CSMD1: variants seen among roughly 807,000 people sequenced by gnomAD.
The protein encoded by CSMD1 is CUB and Sushi multiple domains 1.
Under a neutral mutation model 417.5 loss-of-function variants are expected in CSMD1, and 213 were observed. The observed-to-expected ratio is 0.51, with a 90% CI of 0.46 to 0.57. The LOEUF is 0.57. Among genes scored for constraint, CSMD1 ranks in the 20% least tolerant of loss-of-function variants. The probability of loss-of-function intolerance (pLI) is 0.00; values close to 1 mark genes in which losing one functional copy is unlikely to be tolerated. For missense variants in CSMD1, 6,923 were observed against 4,529.7 expected (o/e 1.53, Z -15.17); for synonymous variants, 2,862 against 1,736.8 (o/e 1.65, Z -16.11).
intron 12 of CSMD1, among the ~76,000 whole-genome samples, chr8:3,428,864 G>C (rs1472206948): frequency 1.3e-5 from 2 of 152,186 alleles, no homozygotes; most frequent in Non-Finnish European, 2.9e-5. Flanking sequence ...TCATAAAAAA[G>C]AAAGAAATCC....
chr8:4,915,491 T>C (rs761919879), intron 1 of CSMD1, among the ~76,000 whole-genome samples: 1 of 152,212 alleles, frequency 6.6e-6, no homozygotes, highest in Non-Finnish European at 1.5e-5. Flanking sequence ...CATATATTTA[T>C]TTTTCTTGGG....
chr8:4,460,098 G>C (rs754148177), intron 2 of CSMD1, among the ~76,000 whole-genome samples: 4 of 152,068 alleles, frequency 2.6e-5, no homozygotes, highest in Admixed American at 6.5e-5. Flanking sequence ...CTCCACAACA[G>C]AGCATATGCC....
Position 3,031,338 on chromosome 8 carries a change from T to A in CSMD1, c.7661-1825A>T, listed in dbSNP as rs540989423. On this transcript the variant is annotated intron_variant, in intron 50 of 69. Transcript: ENST00000635120. ...GTGGGGTGGGGGGAGGGTGGAGGGC[T>A]AGCACTAGGAGATATACCTAATGCT... Among the ~76,000 whole-genome samples the A allele has an allele frequency of 1.2e-3, 171 of 145,834 alleles. 1 individual carries two copies. Among genetic ancestry groups the A allele is most frequent in the African/African-American group, 4.1e-3 (166 of 40,316 alleles).
intron 10 of CSMD1, among the ~76,000 whole-genome samples, chr8:3,563,199 G>C (rs1280791444): frequency 1.3e-5 from 2 of 151,722 alleles, no homozygotes; most frequent in East Asian, 3.9e-4. Context: ...TGGGTTTTTT[G>C]TTTGTTTTCT....
At chr8:4,478,605 T>A (rs1299723920) in intron 2 of CSMD1, among the ~76,000 whole-genome samples, 1 of 152,164 alleles carries the variant, frequency 6.6e-6, no homozygotes, top group Non-Finnish European at 1.5e-5. Context: ...AAGAAAGTAT[T>A]ATTGGCAGGG....
intron 10 of CSMD1, among the ~76,000 whole-genome samples, chr8:3,538,965 C>G (rs1249903473): frequency 6.6e-6 from 1 of 152,174 alleles, no homozygotes; most frequent in South Asian, 2.1e-4. Flanking sequence ...CAAAGCATCT[C>G]CCTTCTAGAA....
chr8:3,620,665 A>G (rs1802379578), intron 7 of CSMD1, among the ~76,000 whole-genome samples: 1 of 152,148 alleles, frequency 6.6e-6, no homozygotes, highest in Non-Finnish European at 1.5e-5. Context: ...TAGAATATGT[A>G]AAAAAGAAAA....
At chr8:3,675,083 A>G (rs1799301952) in intron 7 of CSMD1, among the ~76,000 whole-genome samples, 1 of 152,190 alleles carries the variant, frequency 6.6e-6, no homozygotes, top group African/African-American at 2.4e-5. Flanking sequence ...ACCGTCGACC[A>G]TAAAACGCCA....
chr8:4,249,103 T>C (rs1348979168), intron 3 of CSMD1, among the ~76,000 whole-genome samples: 2 of 152,198 alleles, frequency 1.3e-5, no homozygotes, highest in Non-Finnish European at 2.9e-5. Flanking sequence ...TACAGACTTC[T>C]CAACCTTTCC....
chr8:3,065,304 T>TAGAC (rs1164020588), intron 49 of CSMD1, among the ~76,000 whole-genome samples: 2 of 48,224 alleles, frequency 4.1e-5, no homozygotes, highest in Non-Finnish European at 1.0e-4. Context: ...GATAGATAGG[T>TAGAC]AGATAGATAG....
At chr8:3,929,573 T>C (rs1410461906) in intron 5 of CSMD1, among the ~76,000 whole-genome samples, 3 of 150,734 alleles carry the variant, frequency 2.0e-5, no homozygotes, top group East Asian at 3.9e-4. Context: ...AATGATTTCA[T>C]GTTATAAGAT....
intron 2 of CSMD1, among the ~76,000 whole-genome samples, chr8:4,498,069 C>G (rs764836507): frequency 3.9e-5 from 6 of 152,088 alleles, no homozygotes; most frequent in Non-Finnish European, 8.8e-5. Context: ...TGTGAGATAC[C>G]CTGCTTATAC....
chr8:4,904,693 TA>T (rs1174463844), intron 1 of CSMD1, among the ~76,000 whole-genome samples: 1 of 151,996 alleles, frequency 6.6e-6, no homozygotes, highest in East Asian at 1.9e-4. Flanking sequence ...TGGGGAAAAC[TA>T]AAATGGAAGA....
intron 42 of CSMD1, among the ~76,000 whole-genome samples, chr8:3,115,559 G>A (rs1816817823): frequency 6.6e-6 from 1 of 152,036 alleles, no homozygotes; most frequent in African/African-American, 2.4e-5. Flanking sequence ...TTATGTTACT[G>A]ACAGAAAAAT....
At chr8:4,513,034 A>G (rs1389597460) in intron 2 of CSMD1, among the ~76,000 whole-genome samples, 1 of 152,200 alleles carries the variant, frequency 6.6e-6, no homozygotes, top group African/African-American at 2.4e-5. Context: ...ACAGATAATT[A>G]AACAATGAAA....
chr8:4,367,271 G>T (rs1802132632), intron 3 of CSMD1, among the ~76,000 whole-genome samples: 1 of 152,084 alleles, frequency 6.6e-6, no homozygotes, highest in African/African-American at 2.4e-5. Flanking sequence ...GGGCCAGACT[G>T]CATGAGTCTA....
chr8:3,174,097 C>G (rs895933831), intron 37 of CSMD1, among the ~76,000 whole-genome samples: 1 of 152,172 alleles, frequency 6.6e-6, no homozygotes, highest in Non-Finnish European at 1.5e-5. Context: ...TCATAAGAAA[C>G]GTGACTTCAC....
At chr8:3,363,006 G>A (rs1263433293) in intron 20 of CSMD1, among the ~76,000 whole-genome samples, 1 of 152,170 alleles carries the variant, frequency 6.6e-6, no homozygotes, top group Non-Finnish European at 1.5e-5. Context: ...TAACATCCAA[G>A]TTACTTATGT....
At chr8:4,310,815 T>C (rs773398631) in intron 3 of CSMD1, among the ~76,000 whole-genome samples, 3 of 152,182 alleles carry the variant, frequency 2.0e-5, no homozygotes, top group Non-Finnish European at 4.4e-5. Context: ...ATCTCACCTT[T>C]GCTTATTTCA....
Sources: gnomAD v4.1 joint callset for allele counts (sites outside exome capture counted in the v4.1 genomes callset) on GRCh38, gnomAD v4.1.1 for gene constraint, MANE v1.5 for transcripts, NCBI Gene and HGNC (gene_info 2026-07-23, HGNC 2026-07-21) for gene names.